LY9: variants seen among roughly 807,000 people sequenced by gnomAD.
LY9 encodes T-lymphocyte surface antigen Ly-9.
A neutral mutation model predicts 64.6 loss-of-function variants in LY9; 59 were observed. The observed-to-expected ratio is 0.91, with a 90% CI of 0.74 to 1.13. The LOEUF is 1.13. Ranked by LOEUF, LY9 falls within the 50% of genes most tolerant of loss-of-function variation. The pLI is 0.00. For missense variants in LY9, 789 were observed against 797.2 expected (o/e 0.99, Z 0.12); for synonymous variants, 281 against 308.5 (o/e 0.91, Z 0.93).
chr1:160,817,351 A>G (rs1668038434), intron 5 of LY9, among the ~76,000 whole-genome samples: 1 of 152,256 alleles, frequency 6.6e-6, no homozygotes, highest in Non-Finnish European at 1.5e-5. Flanking sequence ...GGAATTGAGT[A>G]GCCATTTTTA....
rs1668707179 is a variant in LY9, at chr1:160,824,203, A to C, written c.1853A>C (p.Lys618Thr). The C allele has an allele frequency of 6.2e-7, 1 of 1,614,208 alleles. No individual in the cohort carries two copies. The highest frequency in any genetic ancestry group is 2.2e-5 in the East Asian group (1 of 44,880). ...CAGGGAAAGACCCCAGTTTCTCAGA[A>C]GGAAGAGAGCTCAGCCACAATCTAC... The part of the protein sequence containing the change: ...NLQGKTPVSQ[K>T]EESSATIYCS... Residue 618 changes from lysine to threonine, a missense_variant, in exon 9 of 10, where the codon AAG (lysine) becomes ACG (threonine). Physicochemically the swap from Lys to Thr is moderately conservative, Grantham distance 78. Transcript: ENST00000263285.
chr1:160,825,427 G>C (rs1668798533), intron 9 of LY9, among the ~76,000 whole-genome samples: 1 of 152,132 alleles, frequency 6.6e-6, no homozygotes, highest in South Asian at 2.1e-4. Flanking sequence ...GACAAAGATA[G>C]TACTTGGAAG....
chr1:160,797,147 C>T (rs1014175737), intron 1 of LY9: 10 of 985,406 alleles, frequency 1.0e-5, no homozygotes, highest in Non-Finnish European at 1.2e-5. Flanking sequence ...CTGCATGGCC[C>T]GGAACCCCAC....
intron 6 of LY9, 128 bp downstream of exon 6, chr1:160,818,447 A>G (rs1261784198): frequency 4.6e-6 from 3 of 651,742 alleles, no homozygotes; most frequent in African/African-American, 1.9e-5. Context: ...TCTCAGAGCA[A>G]TGGGGGAGGG....
At chr1:160,804,647 G>A (rs1666808401) in intron 2 of LY9, among the ~76,000 whole-genome samples, 1 of 152,070 alleles carries the variant, frequency 6.6e-6, no homozygotes, top group Non-Finnish European at 1.5e-5. Flanking sequence ...TTTAAGAATA[G>A]TTTTAGGAGG....
chr1:160,814,334 A>T, intron 3 of LY9, 86 bp from the exon 4 acceptor site: 1 of 984,536 alleles, frequency 1.0e-6, no homozygotes, highest in Non-Finnish European at 1.5e-6. Flanking sequence ...GAGGGACTTC[A>T]GTCCCCTCAG....
chr1:160,819,853 A>AAGGG (rs1363780378), intron 7 of LY9, among the ~76,000 whole-genome samples: 26 of 50,838 alleles, frequency 5.1e-4, no homozygotes, highest in South Asian at 2.7e-3. Context: ...GGAAGGAAGG[A>AAGGG]AGGGAGGGAG....
chr1:160,801,228 T>C (rs1666445661), intron 2 of LY9, among the ~76,000 whole-genome samples: 2 of 152,052 alleles, frequency 1.3e-5, no homozygotes, highest in Non-Finnish European at 2.9e-5. Flanking sequence ...TGCCAACATG[T>C]GGTTAGTGTT....
At chr1:160,802,350 G>A in intron 2 of LY9, 1 of 988,134 alleles carries the variant, frequency 1.0e-6, no homozygotes. Context: ...GGCCATCCGG[G>A]CCTGCTGGCT....
chr1:160,819,442 C>G (rs1299777915), intron 7 of LY9, 68 bp downstream of exon 7: 1 of 1,381,916 alleles, frequency 7.2e-7, no homozygotes, highest in Non-Finnish European at 1.0e-6. Flanking sequence ...TCTTGCTGCT[C>G]AAAGTGTGGT....
intron 6 of LY9, among the ~76,000 whole-genome samples, 154 bp downstream of exon 6, chr1:160,818,473 C>G (rs1340458177): frequency 6.6e-6 from 1 of 151,974 alleles, no homozygotes; most frequent in Non-Finnish European, 1.5e-5. Context: ...AGTTGGGACT[C>G]TTTACTCACA....
chr1:160,825,269 T>C (rs1411149081), intron 9 of LY9, among the ~76,000 whole-genome samples: 2 of 152,064 alleles, frequency 1.3e-5, no homozygotes, highest in Non-Finnish European at 2.9e-5. Flanking sequence ...ATGATAATAA[T>C]AACTGACTTG....
At chr1:160,797,827 A>T (rs1244879813) in intron 1 of LY9, among the ~76,000 whole-genome samples, 1 of 151,186 alleles carries the variant, frequency 6.6e-6, no homozygotes, top group African/African-American at 2.4e-5. Context: ...AGTAGGATGC[A>T]TCATGCAACA....
chr1:160,811,496 C>G (rs1478699498), intron 2 of LY9: 1 of 152,118 alleles, frequency 6.6e-6, no homozygotes, highest in Non-Finnish European at 1.5e-5. Flanking sequence ...CCTTATTTAA[C>G]CTCTCTCTCT....
chr1:160,803,602 A>G (rs1246458971), intron 2 of LY9, among the ~76,000 whole-genome samples: 1 of 152,208 alleles, frequency 6.6e-6, no homozygotes, highest in Non-Finnish European at 1.5e-5. Context: ...TTATTGGTGT[A>G]TAGAAATGCT....
At chr1:160,820,633 C>T (rs1201065939) in intron 7 of LY9, among the ~76,000 whole-genome samples, 1 of 151,956 alleles carries the variant, frequency 6.6e-6, no homozygotes. Flanking sequence ...AGGACAGAGC[C>T]CTGGTGTCCC....
chr1:160,818,467 G>A, intron 6 of LY9, 148 bp downstream of exon 6: 1 of 596,878 alleles, frequency 1.7e-6, no homozygotes, highest in South Asian at 2.2e-5. Flanking sequence ...GGTGTCAGTT[G>A]GGACTCTTTA....
At chr1:160,812,483 A>G (rs1667555818) in intron 2 of LY9, 1 of 152,206 alleles carries the variant, frequency 6.6e-6, no homozygotes, top group African/African-American at 2.4e-5. Flanking sequence ...TATTAAGGAA[A>G]CGGAATTCTG....
chr1:160,796,227 G>C lies in LY9; in HGVS notation c.40G>C (p.Gly14Arg), dbSNP rs369975202. 2 of 1,613,938 alleles carry C rather than the reference G, an allele frequency of 1.2e-6. No homozygotes were observed. The highest frequency in any genetic ancestry group is 2.7e-5 in the African/African-American group (2 of 74,888). ...PKSHTDDWAP[G>R]PFSSKPQRSQ... ...GAGTCACACAGATGACTGGGCTCCT[G>C]GGCCTTTCTCCAGTAAGCCACAGAG... Residue 14 changes from glycine to arginine, a missense_variant, in exon 1 of 10, where the codon GGG (glycine) becomes CGG (arginine). Physicochemically the swap from Gly to Arg is moderately radical, Grantham distance 125 (BLOSUM62 -2). Transcript: ENST00000263285.
Sources: gnomAD v4.1 joint callset for allele counts (sites outside exome capture counted in the v4.1 genomes callset) on GRCh38, gnomAD v4.1.1 for gene constraint, MANE v1.5 for transcripts, NCBI Gene and HGNC (gene_info 2026-07-23, HGNC 2026-07-21) for gene names.